Variants in SPATA13 observed in about 807,000 individuals in gnomAD.
SPATA13 encodes spermatogenesis associated 13.
SPATA13 carries 50 observed loss-of-function variants against 104.0 expected under a neutral mutation model. That is an observed-to-expected ratio of 0.48 (90% CI 0.38 to 0.61). The LOEUF is 0.61. SPATA13 is among the 20% of genes least tolerant of loss of function. SPATA13 has a pLI of 0.00. For missense variants in SPATA13, 1,524 were observed against 1,690.6 expected, an observed-to-expected ratio of 0.90 and a Z score of 1.73; for synonymous variants, 606 against 667.5, an observed-to-expected ratio of 0.91 and a Z score of 1.42.
intron 1 of SPATA13, among the ~76,000 whole-genome samples, chr13:24,192,003 A>T (rs1241205930): frequency 9.2e-5 from 14 of 152,138 alleles, no homozygotes; most frequent in Admixed American, 9.2e-4. Flanking sequence ...AAAGAAAAAT[A>T]CACGGCAAAG....
intron 3 of SPATA13, among the ~76,000 whole-genome samples, chr13:24,111,334 T>C (rs1337499416): frequency 6.6e-6 from 1 of 152,154 alleles, no homozygotes; most frequent in Non-Finnish European, 1.5e-5. Context: ...CATTATTTTA[T>C]CTCTCTAACA....
intron 2 of SPATA13, among the ~76,000 whole-genome samples, chr13:24,014,323 G>T (rs1753162133): frequency 6.6e-6 from 1 of 151,972 alleles, no homozygotes. Context: ...TTGACAACTC[G>T]GGGGCACCAA....
intron 3 of SPATA13, among the ~76,000 whole-genome samples, chr13:24,150,107 C>T (rs1005184863): frequency 1.3e-5 from 2 of 152,092 alleles, no homozygotes; most frequent in Non-Finnish European, 2.9e-5. Flanking sequence ...TGCTGAGATT[C>T]TTAGGTGGAC....
At chr13:24,146,223 C>T (rs1881926371) in intron 3 of SPATA13, among the ~76,000 whole-genome samples, 1 of 152,218 alleles carries the variant, frequency 6.6e-6, no homozygotes, top group African/African-American at 2.4e-5. Context: ...ATTGGCAAAG[C>T]CAGCCTAATT....
At chr13:24,005,061 C>T (rs1876162888) in intron 2 of SPATA13, among the ~76,000 whole-genome samples, 1 of 152,126 alleles carries the variant, frequency 6.6e-6, no homozygotes, top group Admixed American at 6.5e-5. Flanking sequence ...CATTGCTTTC[C>T]ATTTTAAAAG....
In SPATA13 at chr13:24,223,843, C is replaced by A; in HGVS notation, c.914C>A (p.Thr305Asn). The change falls in exon 2 of 13, where the codon ACC (threonine) becomes AAC (asparagine). Residue 305 changes from threonine to asparagine, a missense_variant. Transcript: ENST00000382108. The part of the protein sequence containing the change: ...TDSQKLGSGR[T>N]KRWRSPIRAK... ...TCCCAAAAGCTTGGGTCAGGAAGGACCAAACGCTGGAGGAGCCCGATAAGG... is the reference window on the plus strand; with the variant it reads ...TCCCAAAAGCTTGGGTCAGGAAGGAACAAACGCTGGAGGAGCCCGATAAGG... 1 of 1,551,768 alleles carries A rather than the reference C, an allele frequency of 6.4e-7. No homozygotes were observed. The highest frequency in any genetic ancestry group is 8.7e-7 in the Non-Finnish European group (1 of 1,147,014).
chr13:24,143,133 C>T (rs975515584), intron 3 of SPATA13, among the ~76,000 whole-genome samples: 3 of 152,202 alleles, frequency 2.0e-5, no homozygotes, highest in East Asian at 3.9e-4. Context: ...AGTCTCCATC[C>T]ACCACTGGGT....
chr13:24,014,144 G>A (rs941691717), intron 2 of SPATA13, among the ~76,000 whole-genome samples: 1 of 152,188 alleles, frequency 6.6e-6, no homozygotes, highest in Non-Finnish European at 1.5e-5. Flanking sequence ...TTTTGCAGGT[G>A]CCAGGGAAGG....
chr13:24,215,773 C>T (rs980687813), intron 1 of SPATA13, among the ~76,000 whole-genome samples: 1 of 152,118 alleles, frequency 6.6e-6, no homozygotes, highest in African/African-American at 2.4e-5. Flanking sequence ...TTGGGCCAGT[C>T]TGCCTCTGCC....
upstream of SPATA13, among the ~76,000 whole-genome samples, chr13:24,157,594 C>T (rs1006837955): frequency 6.6e-6 from 1 of 152,138 alleles, no homozygotes; most frequent in African/African-American, 2.4e-5. Flanking sequence ...GCCACGTGCC[C>T]GGCTGGTAAC....
intron 3 of SPATA13, among the ~76,000 whole-genome samples, chr13:24,028,709 A>C (rs17428490): frequency 0.24 from 36,821 of 152,080 alleles, 4,734 homozygotes; most frequent in Admixed American, 0.29. Context: ...ATTCCAATTG[A>C]ATGTTTGTCC....
intron 3 of SPATA13, among the ~76,000 whole-genome samples, chr13:24,143,105 G>C (rs1181023229): frequency 6.6e-6 from 1 of 152,264 alleles, no homozygotes; most frequent in Non-Finnish European, 1.5e-5. Flanking sequence ...AGGGAGGGAA[G>C]GCTGGTGCCT....
intron 3 of SPATA13, among the ~76,000 whole-genome samples, chr13:24,090,218 T>A (rs1409528867): frequency 6.6e-6 from 1 of 151,784 alleles, no homozygotes; most frequent in African/African-American, 2.4e-5. Context: ...GACTTTCCTC[T>A]GCTTTGCATG....
In SPATA13 at chr13:24,020,349, G is replaced by A. The variant is rs76582397; in HGVS notation, c.-112+2648G>A. Among the ~76,000 whole-genome samples the A allele has an allele frequency of 7.8e-3, 1,180 of 152,138 alleles. 17 individuals are homozygous for A. Among genetic ancestry groups the A allele is most frequent in the East Asian group, 0.052 (272 of 5,184 alleles). ...ATGAAAAAGGCAAAAATATAGTGCTGTGTACATGTGACTTTATGAAAACTT... is the reference window on the plus strand; with the variant it reads ...ATGAAAAAGGCAAAAATATAGTGCTATGTACATGTGACTTTATGAAAACTT... On this transcript the variant is annotated intron_variant, in intron 3 of 14. Coordinates refer to the SPATA13 transcript ENST00000424834.
intron 3 of SPATA13, among the ~76,000 whole-genome samples, chr13:24,054,945 AC>A (rs2137747060): frequency 6.6e-6 from 1 of 152,348 alleles, no homozygotes; most frequent in Non-Finnish European, 1.5e-5. Context: ...TTAGCTAGCT[AC>A]CTTTCAGAAG....
Position 24,294,730 on chromosome 13 carries a change from A to G in SPATA13, c.3081-9A>G. On this transcript the variant is annotated splice_polypyrimidine_tract_variant and intron_variant, in intron 9 of 12. Transcript: ENST00000382108. ...GTTATGTGATTAAAATTAACCTCCCATCTTGCAGTGATTACAGCAACATAA... is the reference window on the plus strand; with the variant it reads ...GTTATGTGATTAAAATTAACCTCCCGTCTTGCAGTGATTACAGCAACATAA... 6.3e-7 allele frequency: 1 copy of G among 1,579,526 alleles called. No individual in the cohort carries two copies. Among genetic ancestry groups the G allele is most frequent in the Non-Finnish European group, 8.7e-7 (1 of 1,151,894 alleles).
At chr13:24,050,313 C>T (rs934197192) in intron 3 of SPATA13, among the ~76,000 whole-genome samples, 10 of 152,178 alleles carry the variant, frequency 6.6e-5, no homozygotes, top group Non-Finnish European at 1.3e-4. Context: ...CTTTAATGCA[C>T]TCTAGTTCCT....
At chr13:24,111,911 T>C (rs1267213479) in intron 3 of SPATA13, among the ~76,000 whole-genome samples, 2 of 152,236 alleles carry the variant, frequency 1.3e-5, no homozygotes, top group Admixed American at 6.5e-5. Context: ...CCTTGTTTGA[T>C]GTTGGTATTG....
chr13:24,075,577 A>T (rs1343594902), intron 3 of SPATA13, among the ~76,000 whole-genome samples: 1 of 152,242 alleles, frequency 6.6e-6, no homozygotes, highest in African/African-American at 2.4e-5. Context: ...TGATGAGATT[A>T]GTCATAATGC....
Sources: gnomAD v4.1 joint callset for allele counts (sites outside exome capture counted in the v4.1 genomes callset) on GRCh38, gnomAD v4.1.1 for gene constraint, MANE v1.5 for transcripts, NCBI Gene and HGNC (gene_info 2026-07-23, HGNC 2026-07-21) for gene names.